RAP1GAP2: variants seen among roughly 807,000 people sequenced by gnomAD.
The protein encoded by RAP1GAP2 is rap1 GTPase-activating protein 2.
In RAP1GAP2, 27 loss-of-function variants were observed where a neutral mutation model predicts 95.0. The ratio of observed to expected loss-of-function variants is 0.28; its 90% CI spans 0.21 to 0.39. The LOEUF is 0.39. Among genes scored for constraint, RAP1GAP2 ranks in the 10% least tolerant of loss-of-function variants. The probability of loss-of-function intolerance (pLI) is 1.00; values close to 1 mark genes in which losing one functional copy is unlikely to be tolerated. For missense variants in RAP1GAP2, 771 were observed against 970.0 expected, an observed-to-expected ratio of 0.79 and a Z score of 2.72; for synonymous variants, 373 against 380.9, an observed-to-expected ratio of 0.98 and a Z score of 0.24.
chr17:3,006,096 C>A, intron 16 of RAP1GAP2, 55 bp downstream of exon 16: 1 of 1,337,926 alleles, frequency 7.5e-7, no homozygotes, highest in Non-Finnish European at 1.1e-6. Context: ...ACCTGTTAGC[C>A]AGCCTCATCC....
At chr17:3,030,530 C>G (rs983930237) in intron 22 of RAP1GAP2, among the ~76,000 whole-genome samples, 2 of 152,130 alleles carry the variant, frequency 1.3e-5, no homozygotes, top group African/African-American at 4.8e-5. Context: ...CGAACGTGGA[C>G]TTGGGAAGAA....
chr17:2,883,798 C>T (rs917201482), intron 2 of RAP1GAP2, among the ~76,000 whole-genome samples: 1 of 152,170 alleles, frequency 6.6e-6, no homozygotes, highest in African/African-American at 2.4e-5. Flanking sequence ...CCTGGGGCCT[C>T]GCCAGCTGGG....
intron 17 of RAP1GAP2, among the ~76,000 whole-genome samples, chr17:3,010,304 C>T (rs551058560): frequency 1.3e-3 from 174 of 134,936 alleles, no homozygotes; most frequent in Non-Finnish European, 2.6e-4. Flanking sequence ...CACGCCACTG[C>T]ACTCCAGCCT....
intron 2 of RAP1GAP2, among the ~76,000 whole-genome samples, chr17:2,849,819 A>G (rs113914173): frequency 1.3e-5 from 2 of 152,094 alleles, no homozygotes; most frequent in African/African-American, 2.4e-5. Flanking sequence ...TGCCGTCCTC[A>G]TTTCCTGCGG....
At chr17:2,970,365 T>C (rs2044814610) in intron 8 of RAP1GAP2, among the ~76,000 whole-genome samples, 1 of 151,714 alleles carries the variant, frequency 6.6e-6, no homozygotes, top group Admixed American at 6.6e-5. Flanking sequence ...ATTAAATGAA[T>C]AACCTTGTGC....
intron 1 of RAP1GAP2, among the ~76,000 whole-genome samples, chr17:2,761,047 G>A (rs191596850): frequency 3.5e-4 from 51 of 146,468 alleles, no homozygotes; most frequent in African/African-American, 1.1e-3. Flanking sequence ...CTCCGCCTCC[G>A]GGGTTCAAGC....
intron 1 of RAP1GAP2, among the ~76,000 whole-genome samples, chr17:2,783,679 C>T (rs756318491): frequency 4.6e-5 from 7 of 152,234 alleles, no homozygotes; most frequent in Non-Finnish European, 5.9e-5. Flanking sequence ...ACTGGTGACA[C>T]TGATTTTGCC....
intron 11 of RAP1GAP2, among the ~76,000 whole-genome samples, chr17:2,985,449 C>T (rs533975142): frequency 7.2e-5 from 11 of 152,268 alleles, no homozygotes; most frequent in African/African-American, 1.4e-4. Flanking sequence ...GCTTTTTCTC[C>T]CCAAACTTGA....
In RAP1GAP2 at chr17:3,029,890, T is replaced by C. The variant is rs2047238002; in HGVS notation, c.2108-1032T>C. 6.6e-6 allele frequency among the ~76,000 whole-genome samples: 1 copy of C among 152,092 alleles called. No individual in the cohort carries two copies. The highest frequency in any genetic ancestry group is 1.5e-5 in the Non-Finnish European group (1 of 68,034). The stretch of plus-strand genomic sequence containing the variant: ...AATATTCTTTACCATAAGTCCCATA[T>C]GTCCAACTGATTCTCACAGAATGCT... On this transcript the variant is annotated intron_variant, in intron 22 of 24. Coordinates refer to ENST00000254695, the MANE Select transcript of RAP1GAP2 (RefSeq NM_015085.5). This position sits in a 1 kb window ranked among gnomAD's most constrained non-coding sequence, Gnocchi z 4.4.
intron 2 of RAP1GAP2, among the ~76,000 whole-genome samples, chr17:2,853,039 G>A (rs2071941488): frequency 6.6e-6 from 1 of 152,068 alleles, no homozygotes; most frequent in Admixed American, 6.5e-5. Flanking sequence ...AGGAGGAAGC[G>A]GGGTCGCCGT....
At chr17:2,851,392 C>T (rs1391489462) in intron 2 of RAP1GAP2, among the ~76,000 whole-genome samples, 1 of 152,150 alleles carries the variant, frequency 6.6e-6, no homozygotes, top group Admixed American at 6.5e-5. Context: ...CCAGTCTCTG[C>T]TATTGATGGG....
chr17:2,842,278 C>T (rs546768959), intron 2 of RAP1GAP2, among the ~76,000 whole-genome samples: 1 of 152,192 alleles, frequency 6.6e-6, no homozygotes, highest in Non-Finnish European at 1.5e-5. Flanking sequence ...TGTGGTGGCT[C>T]ATGCACTTTG....
rs548485117 is a variant in RAP1GAP2, at chr17:2,796,850, G to T, written c.44+279G>T. On this transcript the variant is annotated intron_variant, in intron 1 of 24. Coordinates refer to ENST00000254695, the MANE Select transcript of RAP1GAP2 (RefSeq NM_015085.5). The surrounding 1 kb of genome is among the most constrained non-coding windows in gnomAD (Gnocchi z 4.7). ...AGCATGAGTGTGACTGCAGTTGAAT[G>T]TGTGTGTCTCTGTGTCCGCAGGTTC... Among the ~76,000 whole-genome samples the T allele has an allele frequency of 1.7e-4, 25 of 150,994 alleles. No homozygotes were observed. The highest frequency in any genetic ancestry group is 5.5e-4 in the African/African-American group (22 of 40,294).
At chr17:2,941,116 C>T (rs955605480) in intron 3 of RAP1GAP2, among the ~76,000 whole-genome samples, 2 of 152,192 alleles carry the variant, frequency 1.3e-5, no homozygotes, top group African/African-American at 4.8e-5. Context: ...CAAAAGACCG[C>T]GTGGGCCGGG....
intron 3 of RAP1GAP2, among the ~76,000 whole-genome samples, chr17:2,915,941 G>A (rs1348122547): frequency 2.6e-5 from 4 of 151,728 alleles, no homozygotes; most frequent in South Asian, 2.1e-4. Flanking sequence ...CTCGTGATCC[G>A]CCCGCCTCAG....
intron 2 of RAP1GAP2, among the ~76,000 whole-genome samples, chr17:2,819,193 T>G (rs898682883): frequency 6.6e-6 from 1 of 151,948 alleles, no homozygotes; most frequent in South Asian, 2.1e-4. Context: ...TAATTTTTTT[T>G]GTATTTTTAG....
chr17:2,866,838 G>C lies in RAP1GAP2; in HGVS notation c.81-38446G>C, dbSNP rs150737870. Among the ~76,000 whole-genome samples the C allele has an allele frequency of 2.6e-3, 384 of 150,268 alleles. 2 individuals are homozygous for C. The highest frequency in any genetic ancestry group is 8.7e-3 in the African/African-American group (354 of 40,768). Reference sequence around the variant, plus strand: ...TGGTCTCGAACTCCTGGCCTCAAGCGATCTGCCTGTCTTGGCCTCCCAAAG... The same window carrying C: ...TGGTCTCGAACTCCTGGCCTCAAGCCATCTGCCTGTCTTGGCCTCCCAAAG... On this transcript the variant is annotated intron_variant, in intron 2 of 24. Transcript: ENST00000254695. This position sits in a 1 kb window ranked among gnomAD's most constrained non-coding sequence, Gnocchi z 4.0.
At chr17:2,888,464 A>G (rs900488746) in intron 2 of RAP1GAP2, among the ~76,000 whole-genome samples, 2 of 151,842 alleles carry the variant, frequency 1.3e-5, no homozygotes, top group African/African-American at 2.4e-5. Context: ...TCTGCTTTCT[A>G]CTTCTGTGAG....
intron 2 of RAP1GAP2, among the ~76,000 whole-genome samples, chr17:2,826,729 C>T (rs1001316342): frequency 2.0e-5 from 3 of 152,072 alleles, no homozygotes; most frequent in Non-Finnish European, 2.9e-5. Context: ...GATTTCCGGC[C>T]GGGCGCGGTG....
Sources: gnomAD v4.1 joint callset for allele counts (sites outside exome capture counted in the v4.1 genomes callset) on GRCh38, gnomAD v4.1.1 for gene constraint, Gnocchi (gnomAD v3.1) non-coding constraint, MANE v1.5 for transcripts, NCBI Gene and HGNC (gene_info 2026-07-23, HGNC 2026-07-21) for gene names.